Variants in C10orf71 observed in about 807,000 individuals in gnomAD.
C10orf71 encodes chromosome 10 open reading frame 71.
For missense variants in C10orf71, 1,869 were observed against 1,804.5 expected, an observed-to-expected ratio of 1.04 and a Z score of -0.65; for synonymous variants, 758 against 726.3, an observed-to-expected ratio of 1.04 and a Z score of -0.70.
rs964016371 is a variant in C10orf71, at chr10:49,326,036, A to G, written c.3491A>G (p.Glu1164Gly). 3.5e-5 allele frequency: 54 copies of G among 1,551,586 alleles called. No individual in the cohort carries two copies. Among genetic ancestry groups the G allele is most frequent in the Non-Finnish European group, 4.7e-5 (54 of 1,146,998 alleles). ...AGACTTGAGCTTCCTGCACAGCTAG[A>G]GAGGACAGCAAGCAAGCCACCTGCA... is the stretch of plus-strand genomic sequence containing the variant. Reference protein sequence around the residue: ...SGRLELPAQLERTASKPPAVP... With the variant: ...SGRLELPAQLGRTASKPPAVP... The change falls in exon 3 of 3, where the codon GAG becomes GGG. Residue 1164 changes from glutamate (E) to glycine (G), a missense_variant. Glu to Gly is a moderately conservative substitution (Grantham distance 98). Transcript: ENST00000374144.
At chr10:49,314,522 T>C (rs1182014659) in intron 1 of C10orf71, among the ~76,000 whole-genome samples, 1 of 152,184 alleles carries the variant, frequency 6.6e-6, no homozygotes, top group Non-Finnish European at 1.5e-5. Flanking sequence ...TCTGGAAAAT[T>C]CATGCCAGCA....
At chr10:49,305,344 G>A (rs1226430005) in intron 1 of C10orf71, among the ~76,000 whole-genome samples, 1 of 152,144 alleles carries the variant, frequency 6.6e-6, no homozygotes, top group East Asian at 1.9e-4. Flanking sequence ...CCACTTCTCT[G>A]GCAGCCCTAG....
chr10:49,316,614 A>G (rs1257907731), intron 2 of C10orf71, among the ~76,000 whole-genome samples: 1 of 152,230 alleles, frequency 6.6e-6, no homozygotes, highest in Non-Finnish European at 1.5e-5. Flanking sequence ...ATATGTATTA[A>G]AAGAAAAATG....
rs2132434734 is a variant in C10orf71, at chr10:49,323,819, A to G, written c.1274A>G (p.Asn425Ser). Residue 425 changes from asparagine (N) to serine (S), a missense_variant, in exon 3 of 3, where the codon AAT (asparagine) becomes AGT (serine). Asn to Ser is a conservative substitution (Grantham distance 46). Transcript: ENST00000374144. ...HNPQEQFSEN[N>S]ALDLPVEPNE... ...CCCCAGGAACAGTTTTCAGAAAACA[A>G]TGCTCTTGACCTGCCTGTGGAACCC... 6.2e-7 allele frequency: 1 copy of G among 1,614,004 alleles called. No individual in the cohort carries two copies. The highest frequency in any genetic ancestry group is 8.5e-7 in the Non-Finnish European group (1 of 1,179,890).
chr10:49,325,278 G>T lies in C10orf71; in HGVS notation c.2733G>T (p.Gln911His), dbSNP rs1162846754. The part of the protein sequence containing the change: ...EDPGFCAPEN[Q>H]DILGTSTPTN... Reference sequence around the variant, plus strand: ...CTGGGTTTTGTGCCCCCGAAAACCAGGACATTCTTGGTACATCGACACCCA... The same window carrying T: ...CTGGGTTTTGTGCCCCCGAAAACCATGACATTCTTGGTACATCGACACCCA... The change falls in exon 3 of 3, where the codon CAG becomes CAT. Residue 911 changes from glutamine (Q) to histidine (H), a missense_variant. Physicochemically the swap from Gln to His is conservative, Grantham distance 24 (BLOSUM62 0). Coordinates refer to ENST00000374144, the MANE Select transcript of C10orf71 (RefSeq NM_001135196.2). The T allele has an allele frequency of 1.3e-6, 2 of 1,551,764 alleles. No individual in the cohort carries two copies. The highest frequency in any genetic ancestry group is 1.7e-6 in the Non-Finnish European group (2 of 1,147,022).
rs114872470 is a variant in C10orf71, at chr10:49,323,143, G to T, written c.598G>T (p.Ala200Ser). 2 of 1,613,910 alleles carry T rather than the reference G, an allele frequency of 1.2e-6. No homozygotes were observed. The highest frequency in any genetic ancestry group is 1.7e-6 in the Non-Finnish European group (2 of 1,179,888). The change falls in exon 3 of 3, where the codon GCT becomes TCT. Residue 200 changes from alanine to serine, a missense_variant. Ala to Ser is a moderately conservative substitution (Grantham distance 99, BLOSUM62 1). Coordinates refer to ENST00000374144, the MANE Select transcript of C10orf71 (RefSeq NM_001135196.2). ...CTTTCTGACAGTCAGGAGGGTGCCC[G>T]CTGAAGTTTCCAACACCCATCAGAA... The part of the protein sequence containing the change: ...SAFLTVRRVP[A>S]EVSNTHQNSY...
upstream of C10orf71, among the ~76,000 whole-genome samples, chr10:49,298,314 A>T (rs1303818874): frequency 6.6e-6 from 1 of 152,230 alleles, no homozygotes; most frequent in Non-Finnish European, 1.5e-5. Context: ...CAGTCAGGGA[A>T]GCATAAAAAA....
chr10:49,322,476 C>T lies in C10orf71; in HGVS notation c.-70C>T. 1 of 1,479,138 alleles carries T rather than the reference C, an allele frequency of 6.8e-7. No individual in the cohort carries two copies. Among genetic ancestry groups the T allele is most frequent in the Non-Finnish European group, 9.0e-7 (1 of 1,110,534 alleles). The allele number at this position is 1,479,138 out of a possible 1,614,324, so 91.6% of individuals were successfully genotyped here. A position where few individuals can be genotyped will look rare whatever the true frequency, so the allele number is the denominator to read the frequency against. ...TCTAGTTTTGGGGAAGAGGGAAACA[C>T]CTAACCTTGACAGAATCATCACCAG... On this transcript the variant is annotated 5_prime_UTR_variant, in exon 3 of 3. Transcript: ENST00000374144.
At chr10:49,312,225 G>T (rs1363933413) in intron 1 of C10orf71, among the ~76,000 whole-genome samples, 1 of 152,162 alleles carries the variant, frequency 6.6e-6, no homozygotes, top group African/African-American at 2.4e-5. Context: ...TATTCACAGT[G>T]GGCATGGCAG....
At chr10:49,311,859 G>T (rs1461245267) in intron 1 of C10orf71, among the ~76,000 whole-genome samples, 1 of 152,198 alleles carries the variant, frequency 6.6e-6, no homozygotes, top group Non-Finnish European at 1.5e-5. Context: ...TGCCAAGAGG[G>T]ACTTGAGGGT....
At chr10:49,309,858 C>T (rs1848880600) in intron 1 of C10orf71, among the ~76,000 whole-genome samples, 1 of 152,204 alleles carries the variant, frequency 6.6e-6, no homozygotes, top group South Asian at 2.1e-4. Context: ...GGAATCAATT[C>T]CAATTTGTTA....
At chr10:49,304,352 A>G (rs1564682314) in intron 1 of C10orf71, among the ~76,000 whole-genome samples, 2 of 152,078 alleles carry the variant, frequency 1.3e-5, no homozygotes, top group African/African-American at 4.8e-5. Context: ...AACCTCTCTG[A>G]CCTTCAATTT....
chr10:49,312,360 C>G (rs758288495), intron 1 of C10orf71, among the ~76,000 whole-genome samples: 28 of 152,196 alleles, frequency 1.8e-4, no homozygotes, highest in Non-Finnish European at 4.0e-4. Flanking sequence ...CAAGTTTGGC[C>G]TGGGTCAGTG....
chr10:49,325,902 G>T lies in C10orf71; in HGVS notation c.3357G>T (p.Trp1119Cys), dbSNP rs1447989673. Reference protein sequence around the residue: ...RREDLTHALVWEGGSDPLLEL... With the variant: ...RREDLTHALVCEGGSDPLLEL... ...AGGACCTGACCCACGCCCTCGTGTGGGAGGGCGGCTCTGACCCCCTACTTG... is the reference window on the plus strand; with the variant it reads ...AGGACCTGACCCACGCCCTCGTGTGTGAGGGCGGCTCTGACCCCCTACTTG... The change falls in exon 3 of 3, where the codon TGG becomes TGT. Residue 1119 changes from tryptophan (W) to cysteine (C), a missense_variant. Coordinates refer to ENST00000374144, the MANE Select transcript of C10orf71 (RefSeq NM_001135196.2). 6.5e-7 allele frequency: 1 copy of T among 1,550,026 alleles called. No individual in the cohort carries two copies. The highest frequency in any genetic ancestry group is 1.2e-5 in the South Asian group (1 of 83,972).
In C10orf71 at chr10:49,326,576, CG is replaced by C. The variant is rs1314124277; in HGVS notation, c.4033del (p.Ala1345ProfsTer2). The C allele has an allele frequency of 2.6e-6, 4 of 1,550,552 alleles. No homozygotes were observed. Among genetic ancestry groups the C allele is most frequent in the Non-Finnish European group, 1.7e-6 (2 of 1,146,872 alleles). ...CCCGGCTTCCAGCCAGTGCCCGTGACGGCCTTGATGCCGCTGCGCTGCTCCT... is the reference window on the plus strand; with the variant it reads ...CCCGGCTTCCAGCCAGTGCCCGTGACGCCTTGATGCCGCTGCGCTGCTCCT... ...LYPGFQPVPV[T>X]ALMPLRCSSQ... On this transcript the variant is annotated frameshift_variant, in exon 3 of 3. Coordinates refer to ENST00000374144, the MANE Select transcript of C10orf71 (RefSeq NM_001135196.2). LOFTEE classifies it low-confidence loss of function (END_TRUNC).
Position 49,324,586 on chromosome 10 carries a change from G to A in C10orf71, c.2041G>A (p.Glu681Lys), listed in dbSNP as rs1488725511. 1 of 1,613,958 alleles carries A rather than the reference G, an allele frequency of 6.2e-7. No individual in the cohort carries two copies. Among genetic ancestry groups the A allele is most frequent in the Non-Finnish European group, 8.5e-7 (1 of 1,179,874 alleles). ...GLSRSVSQET[E>K]PEREAGLQNT... ...CTCCAGATCTGTGTCCCAAGAGACAGAACCTGAGAGGGAAGCAGGACTTCA... is the reference window on the plus strand; with the variant it reads ...CTCCAGATCTGTGTCCCAAGAGACAAAACCTGAGAGGGAAGCAGGACTTCA... The change falls in exon 3 of 3, where the codon GAA becomes AAA. Residue 681 changes from glutamate (E) to lysine (K), a missense_variant. Glu to Lys is a moderately conservative substitution (Grantham distance 56). Coordinates refer to ENST00000374144, the MANE Select transcript of C10orf71 (RefSeq NM_001135196.2).
chr10:49,324,614 A>G lies in C10orf71; in HGVS notation c.2069A>G (p.Asn690Ser). The change falls in exon 3 of 3, where the codon AAC (asparagine) becomes AGC (serine). Residue 690 changes from asparagine (N) to serine (S), a missense_variant. Asn to Ser is a conservative substitution (Grantham distance 46, BLOSUM62 1). Transcript: ENST00000374144. ...CCTGAGAGGGAAGCAGGACTTCAGA[A>G]CACACATTTGAACCAGAAATTCTTC... The part of the protein sequence containing the change: ...TEPEREAGLQ[N>S]THLNQKFFPG... The G allele has an allele frequency of 1.9e-6, 3 of 1,613,944 alleles. No individual in the cohort carries two copies. The highest frequency in any genetic ancestry group is 1.1e-5 in the South Asian group (1 of 91,070).
intron 1 of C10orf71, among the ~76,000 whole-genome samples, chr10:49,302,758 T>G (rs1848750774): frequency 6.6e-6 from 1 of 152,146 alleles, no homozygotes; most frequent in African/African-American, 2.4e-5. Context: ...TGAGTATGCC[T>G]AGAGAGGTGC....
In C10orf71 at chr10:49,314,937, A is replaced by G. The variant is rs570265283; in HGVS notation, c.-247-1208A>G. On this transcript the variant is annotated intron_variant, in intron 1 of 2. Transcript: ENST00000374144. ...TGAGCTTCCATTTATTGAGTTCAGT[A>G]TACAAGACTCCCTTCCTTGGTTCAA... Among the ~76,000 whole-genome samples, 18 of 152,346 alleles carry G rather than the reference A, an allele frequency of 1.2e-4. No individual in the cohort carries two copies. In the East Asian group the frequency reaches 3.1e-3, roughly 26 times the overall value.
Sources: allele counts gnomAD v4.1 joint callset (sites outside exome capture counted in the v4.1 genomes callset), GRCh38; gene constraint gnomAD v4.1.1; transcripts MANE v1.5; gene names NCBI Gene and HGNC (gene_info 2026-07-23, HGNC 2026-07-21).